Variants in C12orf42 observed in about 807,000 individuals in gnomAD.
The protein encoded by C12orf42 is chromosome 12 open reading frame 42, also known as uncharacterized protein C12orf42.
C12orf42 carries 25 observed loss-of-function variants against 21.6 expected under a neutral mutation model. The ratio of observed to expected loss-of-function variants is 1.16; its 90% CI spans 0.84 to 1.62. C12orf42 has a LOEUF of 1.62. Ranked by LOEUF, C12orf42 falls within the 40% of genes most tolerant of loss-of-function variation. The pLI is 0.00. For synonymous variants in C12orf42, 174 were observed against 175.0 expected (o/e 0.99, Z 0.05); for missense variants, 483 against 459.3 (o/e 1.05, Z -0.47).
At chr12:103,486,415 G>A (rs1424806807) in intron 1 of C12orf42, among the ~76,000 whole-genome samples, 1 of 152,112 alleles carries the variant, frequency 6.6e-6, no homozygotes, top group Non-Finnish European at 1.5e-5. Flanking sequence ...GTCCATCAGG[G>A]ATATGGGGCT....
Position 103,478,372 on chromosome 12 carries a change from T to C in C12orf42, c.55A>G (p.Arg19Gly). ...ACCTGCATCCTGTTTGCAAAAGGTC[T>C]GATGGTTAGCAAGAATTCTTCTTCC... is the stretch of plus-strand genomic sequence containing the variant. ...QREEEFLLTI[R>G]PFANRMQKSP... is the part of the protein sequence containing the mutation. Residue 19 changes from arginine (R) to glycine (G), a missense_variant, in exon 2 of 6, where the codon AGA (arginine) becomes GGA (glycine). Transcript: ENST00000548883. 1 of 1,604,670 alleles carries C rather than the reference T, an allele frequency of 6.2e-7. No individual in the cohort carries two copies. Among genetic ancestry groups the C allele is most frequent in the Non-Finnish European group, 8.5e-7 (1 of 1,174,132 alleles).
intron 4 of C12orf42, among the ~76,000 whole-genome samples, chr12:103,323,305 A>T (rs2040364912): frequency 6.6e-6 from 1 of 152,172 alleles, no homozygotes. Flanking sequence ...TTCCCATCAG[A>T]AAGAAAGACA....
the C12orf42 span, among the ~76,000 whole-genome samples, chr12:103,529,674 C>T: frequency 6.6e-6 from 1 of 152,174 alleles, no homozygotes; most frequent in Admixed American, 6.5e-5. Context: ...ATGAGTTCTG[C>T]TCTTCAGAAA....
At chr12:103,192,964 A>G in the C12orf42 span, among the ~76,000 whole-genome samples, 1 of 152,224 alleles carries the variant, frequency 6.6e-6, no homozygotes. Context: ...CATATGGAAC[A>G]TTCTCCAGGA....
the C12orf42 span, among the ~76,000 whole-genome samples, chr12:103,523,386 T>C: frequency 6.6e-6 from 1 of 152,050 alleles, no homozygotes; most frequent in Non-Finnish European, 1.5e-5. Context: ...ATTATATGTC[T>C]TCTCTATCAA....
At chr12:103,161,071 A>T in the C12orf42 span, among the ~76,000 whole-genome samples, 1 of 152,202 alleles carries the variant, frequency 6.6e-6, no homozygotes, top group Admixed American at 6.5e-5. Flanking sequence ...GTCCCACTCC[A>T]CTGGATCTCA....
At chr12:103,405,576 G>A (rs373231116) in intron 2 of C12orf42, among the ~76,000 whole-genome samples, 154 of 152,100 alleles carry the variant, frequency 1.0e-3, no homozygotes, top group African/African-American at 3.2e-3. Context: ...TTCACAAATC[G>A]GGAGCTGTAG....
intron 10 of C12orf42, among the ~76,000 whole-genome samples, chr12:103,240,402 GGAGA>G (rs2033677384): frequency 2.0e-5 from 3 of 152,248 alleles, no homozygotes; most frequent in Admixed American, 6.5e-5. Flanking sequence ...CTAAAACACA[GGAGA>G]GACACATGCT....
Position 103,355,162 on chromosome 12 carries a change from A to G in C12orf42, c.259+13725T>C, listed in dbSNP as rs116277278. ...CCTTTGAGAAAAATCACCATGACCA[A>G]TATGTCTGTGTATACCCAGCTCCTA... On this transcript the variant is annotated intron_variant, in intron 4 of 5. Coordinates refer to ENST00000548883, the MANE Select transcript of C12orf42 (RefSeq NM_198521.5). Among the ~76,000 whole-genome samples, 499 of 152,226 alleles carry G rather than the reference A, an allele frequency of 3.3e-3. 3 individuals carry two copies. The highest frequency in any genetic ancestry group is 0.011 in the African/African-American group (473 of 41,548).
chr12:103,048,634 G>A, the C12orf42 span, among the ~76,000 whole-genome samples: 1 of 152,082 alleles, frequency 6.6e-6, no homozygotes, highest in Non-Finnish European at 1.5e-5. Context: ...GTCTCCTGAG[G>A]AGTTCAAGAA....
chr12:103,448,049 A>C (rs542874528), intron 2 of C12orf42, among the ~76,000 whole-genome samples: 1 of 152,076 alleles, frequency 6.6e-6, no homozygotes. Context: ...AAACTATACT[A>C]TAATGCCACA....
the C12orf42 span, among the ~76,000 whole-genome samples, chr12:103,079,538 G>A: frequency 6.6e-6 from 1 of 152,154 alleles, no homozygotes; most frequent in Non-Finnish European, 1.5e-5. Context: ...AATGTGCTGT[G>A]GTATGCATTT....
intron 2 of C12orf42, among the ~76,000 whole-genome samples, chr12:103,440,413 A>C (rs1163714196): frequency 6.9e-6 from 1 of 145,904 alleles, no homozygotes; most frequent in Non-Finnish European, 1.5e-5. Flanking sequence ...TATAATAAAA[A>C]AATAAAATAA....
the C12orf42 span, among the ~76,000 whole-genome samples, chr12:103,538,037 T>G: frequency 6.6e-6 from 1 of 152,214 alleles, no homozygotes; most frequent in African/African-American, 2.4e-5. Flanking sequence ...CAATATCTGC[T>G]GCAAAGAAAA....
At chr12:103,450,421 T>C (rs551829502) in intron 2 of C12orf42, among the ~76,000 whole-genome samples, 4 of 152,270 alleles carry the variant, frequency 2.6e-5, no homozygotes, top group African/African-American at 4.8e-5. Flanking sequence ...TTTGGATCAG[T>C]ATTTTCTATC....
chr12:103,125,126 C>T, the C12orf42 span, among the ~76,000 whole-genome samples: 3 of 152,202 alleles, frequency 2.0e-5, no homozygotes, highest in South Asian at 6.2e-4. Flanking sequence ...ATTTGGACTC[C>T]ACCATTCTTT....
the C12orf42 span, among the ~76,000 whole-genome samples, chr12:103,108,576 TA>T: frequency 2.0e-5 from 3 of 152,094 alleles, no homozygotes; most frequent in Non-Finnish European, 4.4e-5. Flanking sequence ...AGTAATTATT[TA>T]AAAACTTTTA....
At chr12:103,304,743 G>A (rs893412054) in intron 5 of C12orf42, among the ~76,000 whole-genome samples, 4 of 152,138 alleles carry the variant, frequency 2.6e-5, no homozygotes, top group East Asian at 1.9e-4. Flanking sequence ...AGTGTTAGCC[G>A]ACCAGCATCT....
chr12:103,482,814 T>A (rs1026359095), intron 1 of C12orf42, among the ~76,000 whole-genome samples: 1 of 152,112 alleles, frequency 6.6e-6, no homozygotes, highest in African/African-American at 2.4e-5. Flanking sequence ...TTGTCTCCCA[T>A]CTTTCTAGCC....
Sources: allele counts gnomAD v4.1 joint callset (sites outside exome capture counted in the v4.1 genomes callset), GRCh38; gene constraint gnomAD v4.1.1; transcripts MANE v1.5; gene names NCBI Gene and HGNC (gene_info 2026-07-23, HGNC 2026-07-21).